SLC46A1: variants seen among roughly 807,000 people sequenced by gnomAD.
SLC46A1 encodes the protein solute carrier family 46 member 1.
In SLC46A1, 17 loss-of-function variants were observed where a neutral mutation model predicts 32.1. The observed-to-expected ratio is 0.53, with a 90% CI of 0.36 to 0.79. SLC46A1 has a LOEUF of 0.79. SLC46A1 is among the 30% of genes least tolerant of loss of function. The pLI is 0.00. For missense variants in SLC46A1, 517 were observed against 588.2 expected, an observed-to-expected ratio of 0.88 and a Z score of 1.25; for synonymous variants, 240 against 262.7, an observed-to-expected ratio of 0.91 and a Z score of 0.84.
In SLC46A1 at chr17:28,402,254, C is replaced by T; in HGVS notation, c.1149G>A (p.Val383=). The T allele has an allele frequency of 6.2e-7, 1 of 1,613,362 alleles. No homozygotes were observed. Among genetic ancestry groups the T allele is most frequent in the African/African-American group, 1.3e-5 (1 of 75,048 alleles). The change falls in exon 3 of 5, where the codon GTG becomes GTA. Residue 383 remains valine (V), a synonymous_variant. Transcript: ENST00000612814. ...PVIRAKLSKL[V]RETEQGALFS... Reference sequence around the variant, plus strand: ...GACACTCACCCTGCTCTGTCTCTCTCACCAGCTTGGAGAGTTTAGCCCGGA... The same window carrying T: ...GACACTCACCCTGCTCTGTCTCTCTTACCAGCTTGGAGAGTTTAGCCCGGA...
rs1213015614 is a variant in SLC46A1 at position 28,398,406 on chromosome 17, G to A, written c.*1250C>T. On this transcript the variant is annotated 3_prime_UTR_variant, in exon 5 of 5. Coordinates refer to ENST00000612814, the MANE Select transcript of SLC46A1 (RefSeq NM_080669.6). ...AGTCACAAGCCTCCTCTAAGCCAAG[G>A]CCAGTGTGTTCAGAGGTGACTGCCA... The A allele has an allele frequency of 6.6e-6, 1 of 152,334 alleles. No homozygotes were observed. The highest frequency in any genetic ancestry group is 1.5e-5 in the Non-Finnish European group (1 of 68,134). The allele number at this position is 152,334 out of a possible 1,614,324, so 9.4% of individuals were successfully genotyped here. A position where few individuals can be genotyped will look rare whatever the true frequency, so the allele number is the denominator to read the frequency against.
chr17:28,396,216 G>A lies in SLC46A1; in HGVS notation c.*3440C>T, dbSNP rs782507505. Reference sequence around the variant, plus strand: ...AAGATCATCCGCTTCCTGCAGGGCCGCTCCTCCCGGGACTCATCTGCAGGC... The same window carrying A: ...AAGATCATCCGCTTCCTGCAGGGCCACTCCTCCCGGGACTCATCTGCAGGC... On this transcript the variant is annotated 3_prime_UTR_variant, in exon 5 of 5. Coordinates refer to ENST00000612814, the MANE Select transcript of SLC46A1 (RefSeq NM_080669.6). 87 of 1,613,846 alleles carry A rather than the reference G, an allele frequency of 5.4e-5. 1 individual carries two copies. In the South Asian group the frequency reaches 8.7e-4, roughly 16 times the overall value.
At chr17:28,405,552 G>A in intron 1 of SLC46A1, 84 bp from the exon 2 acceptor site, 2 of 1,533,242 alleles carry the variant, frequency 1.3e-6, no homozygotes, top group Non-Finnish European at 8.8e-7. Flanking sequence ...GAGCTACAGG[G>A]ATGAGGACTT....
At chr17:28,401,816 C>T (rs1056204706) in intron 3 of SLC46A1, 3 of 153,660 alleles carry the variant, frequency 2.0e-5, no homozygotes, top group African/African-American at 7.2e-5. Flanking sequence ...AATGTAACCC[C>T]CTGGGTCTCT....
chr17:28,400,638 GGCCA>G lies in SLC46A1; in HGVS notation c.1290_1293del (p.Gly431SerfsTer8). 1 of 1,613,786 alleles carries G rather than the reference GGCCA, an allele frequency of 6.2e-7. No individual in the cohort carries two copies. The highest frequency in any genetic ancestry group is 8.5e-7 in the Non-Finnish European group (1 of 1,179,822). ...ATCAGAACAGCCGGGATGAGCAGGA[GGCCA>G]GCTCCCAGGAGGAAGGGGAACCCCT... is the stretch of plus-strand genomic sequence containing the variant. On this transcript the variant is annotated frameshift_variant, in exon 4 of 5. Coordinates refer to ENST00000612814, the MANE Select transcript of SLC46A1 (RefSeq NM_080669.6). LOFTEE classifies it high-confidence loss of function.
rs1555588724 is a variant in SLC46A1 at position 28,398,507 on chromosome 17, A to C, written c.*1149T>G. 6.6e-6 allele frequency: 1 copy of C among 152,350 alleles called. No individual in the cohort carries two copies. The highest frequency in any genetic ancestry group is 2.4e-5 in the African/African-American group (1 of 41,464). The allele number at this position is 152,350 out of a possible 1,614,324, so 9.4% of individuals were successfully genotyped here. ...TGGCTTCTCCTGAGACAGAGGACTCAGAAGTGGCCTTTCCTCCAAAGCCTG... is the reference window on the plus strand; with the variant it reads ...TGGCTTCTCCTGAGACAGAGGACTCCGAAGTGGCCTTTCCTCCAAAGCCTG... On this transcript the variant is annotated 3_prime_UTR_variant, in exon 5 of 5. Coordinates refer to ENST00000612814, the MANE Select transcript of SLC46A1 (RefSeq NM_080669.6).
intron 4 of SLC46A1, chr17:28,399,938 G>T (rs987647468): frequency 9.4e-6 from 5 of 530,606 alleles, no homozygotes; most frequent in African/African-American, 1.9e-5. Flanking sequence ...CTGTTGTCCA[G>T]GCTGGAGGGC....
In SLC46A1 at chr17:28,397,129, A is replaced by C. The variant is rs1555588307; in HGVS notation, c.*2527T>G. 6.5e-6 allele frequency: 1 copy of C among 152,918 alleles called. No homozygotes were observed. 9.5% of individuals were successfully genotyped at this position (152,918 alleles called of 1,614,324 possible). On this transcript the variant is annotated 3_prime_UTR_variant, in exon 5 of 5. Coordinates refer to ENST00000612814, the MANE Select transcript of SLC46A1 (RefSeq NM_080669.6). ...CCCAGCCCCTCAGCCATCCAGGGCTACCCACTGCTTACTCAGGGACCAGGC... is the reference window on the plus strand; with the variant it reads ...CCCAGCCCCTCAGCCATCCAGGGCTCCCCACTGCTTACTCAGGGACCAGGC...
At position 28,405,136 on chromosome 17, in the gene SLC46A1, G is replaced by A; in HGVS notation, c.561C>T (p.Ser187=). The change falls in exon 2 of 5, where the codon AGC becomes AGT. Residue 187 remains serine, a synonymous_variant. Coordinates refer to ENST00000612814, the MANE Select transcript of SLC46A1 (RefSeq NM_080669.6). Reference sequence around the variant, plus strand: ...TTGCCAGCATCCCAGCCACCCCGATGCTGGCTTCCAGCAGGGCCATCCGGA... The same window carrying A: ...TTGCCAGCATCCCAGCCACCCCGATACTGGCTTCCAGCAGGGCCATCCGGA... ...RTFRMALLEA[S]IGVAGMLASL... is the part of the protein sequence containing the mutation. 1.2e-6 allele frequency: 2 copies of A among 1,612,690 alleles called. No individual in the cohort carries two copies. Among genetic ancestry groups the A allele is most frequent in the Non-Finnish European group, 1.7e-6 (2 of 1,179,126 alleles).
In SLC46A1 at chr17:28,399,481, G is replaced by C. The variant is rs2068168954; in HGVS notation, c.*175C>G. 1.6e-6 allele frequency: 1 copy of C among 633,806 alleles called. No homozygotes were observed. Among genetic ancestry groups the C allele is most frequent in the Admixed American group, 2.7e-5 (1 of 37,670 alleles). 39.3% of individuals were successfully genotyped at this position (633,806 alleles called of 1,614,324 possible). A position where few individuals can be genotyped will look rare whatever the true frequency, so the allele number is the denominator to read the frequency against. ...GATTCTAGATCCTAGACAGAGGCTG[G>C]GTCAGCTGTGGATGGGGTGGTGCCT... On this transcript the variant is annotated 3_prime_UTR_variant, in exon 5 of 5. Coordinates refer to ENST00000612814, the MANE Select transcript of SLC46A1 (RefSeq NM_080669.6).
chr17:28,402,203 TGA>T, intron 3 of SLC46A1, 33 bp downstream of exon 3: 1 of 1,589,614 alleles, frequency 6.3e-7, no homozygotes, highest in Non-Finnish European at 8.6e-7. Context: ...GCACTGGACA[TGA>T]GGAACCAGAC....
At position 28,404,686 on chromosome 17, in the gene SLC46A1, G is replaced by A. The variant is rs141883705; in HGVS notation, c.1011C>T (p.Ile337=). Residue 337 remains isoleucine (I), a synonymous_variant, in exon 2 of 5, where the codon ATC becomes ATT. Coordinates refer to ENST00000612814, the MANE Select transcript of SLC46A1 (RefSeq NM_080669.6). The part of the protein sequence containing the change: ...YCLADAWVAE[I]GLAFNILGMV... Reference sequence around the variant, plus strand: ...TCCCCAGGATGTTGAAGGCCAGGCCGATCTCAGCTACCCAGGCATCGGCCA... The same window carrying A: ...TCCCCAGGATGTTGAAGGCCAGGCCAATCTCAGCTACCCAGGCATCGGCCA... 57 of 1,613,676 alleles carry A rather than the reference G, an allele frequency of 3.5e-5. No individual in the cohort carries two copies. In the African/African-American group the frequency reaches 4.3e-4, roughly 12 times the overall value.
rs2068109841 is a variant in SLC46A1, at chr17:28,395,531, G to A, written c.*4125C>T. 5.2e-6 allele frequency: 1 copy of A among 193,996 alleles called. No individual in the cohort carries two copies. 12.0% of individuals were successfully genotyped at this position (193,996 alleles called of 1,614,324 possible). ...AGCACCTCTCTGGAGGCTGGGAGGTGGGGCTGAAAGTTCCAATCCTCTAGT... is the reference window on the plus strand; with the variant it reads ...AGCACCTCTCTGGAGGCTGGGAGGTAGGGCTGAAAGTTCCAATCCTCTAGT... On this transcript the variant is annotated 3_prime_UTR_variant, in exon 5 of 5. Transcript: ENST00000612814.
Position 28,406,195 on chromosome 17 carries a change from G to T in SLC46A1, c.-81C>A, listed in dbSNP as rs1183199338. 1.8e-6 allele frequency: 2 copies of T among 1,118,602 alleles called. No individual in the cohort carries two copies. The highest frequency in any genetic ancestry group is 2.3e-6 in the Non-Finnish European group (2 of 862,520). The allele number at this position is 1,118,602 out of a possible 1,614,324, so 69.3% of individuals were successfully genotyped here. On this transcript the variant is annotated 5_prime_UTR_variant, in exon 1 of 5. Coordinates refer to ENST00000612814, the MANE Select transcript of SLC46A1 (RefSeq NM_080669.6). This position sits in a 1 kb window ranked among gnomAD's most constrained non-coding sequence, Gnocchi z 4.5. ...CTGCCTGGGACCAGCGACGCGTGGC[G>T]TGGGGCTTGCGCTGTCTGCGCCTGC...
At chr17:28,405,626 G>C in intron 1 of SLC46A1, 158 bp from the exon 2 acceptor site, 1 of 1,150,824 alleles carries the variant, frequency 8.7e-7, no homozygotes, top group South Asian at 1.5e-5. Flanking sequence ...GTGGAGAGGG[G>C]GAAGGACATG....
rs782759801 is a variant in SLC46A1 at position 28,395,872 on chromosome 17, G to A, written c.*3784C>T. 13 of 1,611,518 alleles carry A rather than the reference G, an allele frequency of 8.1e-6. No homozygotes were observed. The highest frequency in any genetic ancestry group is 1.1e-5 in the Non-Finnish European group (13 of 1,179,784). Reference sequence around the variant, plus strand: ...CTACAAGGGTCCCTAGATGGGTACAGGGGTATCTTCCTCCTTTCCTTTCTT... The same window carrying A: ...CTACAAGGGTCCCTAGATGGGTACAAGGGTATCTTCCTCCTTTCCTTTCTT... On this transcript the variant is annotated 3_prime_UTR_variant, in exon 5 of 5. Coordinates refer to ENST00000612814, the MANE Select transcript of SLC46A1 (RefSeq NM_080669.6).
chr17:28,402,342 A>T (rs887395518), intron 2 of SLC46A1, 21 bp from the exon 3 acceptor site: 1 of 1,605,342 alleles, frequency 6.2e-7, no homozygotes, highest in Non-Finnish European at 8.5e-7. Flanking sequence ...ACAAACACTC[A>T]TCAGGAAAAT....
intron 2 of SLC46A1, 110 bp downstream of exon 2, chr17:28,404,504 CTA>C: frequency 7.2e-7 from 1 of 1,396,504 alleles, no homozygotes; most frequent in African/African-American, 1.4e-5. Context: ...GGGGGCATAA[CTA>C]TGTTTCCAAA....
Position 28,404,971 on chromosome 17 carries a change from G to A in SLC46A1, c.726C>T (p.Leu242=). The A allele has an allele frequency of 6.2e-7, 1 of 1,614,028 alleles. No individual in the cohort carries two copies. Among genetic ancestry groups the A allele is most frequent in the Middle Eastern group, 1.6e-4 (1 of 6,062 alleles). ...ETLKEPKSTR[L]FTFRHHRSIV... ...TGGATCGGTGGTGACGGAACGTGAA[G>A]AGCCGGGTGGACTTTGGCTCCTTTA... is the stretch of plus-strand genomic sequence containing the variant. The change falls in exon 2 of 5, where the codon CTC becomes CTT. Residue 242 remains leucine, a synonymous_variant. Coordinates refer to ENST00000612814, the MANE Select transcript of SLC46A1 (RefSeq NM_080669.6).
Sources: gnomAD v4.1 joint callset for allele counts on GRCh38, gnomAD v4.1.1 for gene constraint, Gnocchi (gnomAD v3.1) non-coding constraint, MANE v1.5 for transcripts, NCBI Gene and HGNC (gene_info 2026-07-23, HGNC 2026-07-21) for gene names.